SLC6A15: variants seen among roughly 807,000 people sequenced by gnomAD.
SLC6A15 encodes the protein solute carrier family 6 member 15.
A neutral mutation model predicts 68.5 loss-of-function variants in SLC6A15; 33 were observed. The ratio of observed to expected loss-of-function variants is 0.48; its 90% CI spans 0.37 to 0.64. SLC6A15 has a LOEUF of 0.64. Ranked by LOEUF, SLC6A15 falls within the 30% of genes least tolerant of loss-of-function variation. The pLI, the probability that SLC6A15 is intolerant of heterozygous loss-of-function variation, is 0.00. For synonymous variants in SLC6A15, 347 were observed against 301.0 expected (o/e 1.15, Z -1.58); for missense variants, 747 against 874.3 (o/e 0.85, Z 1.84).
intron 1 of SLC6A15, among the ~76,000 whole-genome samples, chr12:84,894,471 T>C (rs1265870199): frequency 6.6e-6 from 1 of 152,052 alleles, no homozygotes; most frequent in Non-Finnish European, 1.5e-5. Context: ...TTCCTTTTGC[T>C]TTTTCCATAC....
At chr12:84,910,381 C>T (rs1873378557) in intron 1 of SLC6A15, among the ~76,000 whole-genome samples, 1 of 151,916 alleles carries the variant, frequency 6.6e-6, no homozygotes, top group East Asian at 1.9e-4. Context: ...TGTTTTACCA[C>T]AACAAATACA....
intron 10 of SLC6A15, among the ~76,000 whole-genome samples, chr12:84,865,842 G>T (rs1003680118): frequency 1.3e-5 from 2 of 152,050 alleles, no homozygotes; most frequent in African/African-American, 4.8e-5. Context: ...CCTACTAAAG[G>T]ATATCTTGTT....
chr12:84,889,045 T>A (rs1872255094), intron 2 of SLC6A15, among the ~76,000 whole-genome samples: 1 of 152,182 alleles, frequency 6.6e-6, no homozygotes, highest in South Asian at 2.1e-4. Context: ...CTGTTTCATA[T>A]CCAGGAGGAA....
At chr12:84,895,042 A>T (rs1191699555) in intron 1 of SLC6A15, among the ~76,000 whole-genome samples, 1 of 151,986 alleles carries the variant, frequency 6.6e-6, no homozygotes, top group Admixed American at 6.6e-5. Context: ...TTATAAATAA[A>T]ATTATCTAAG....
chr12:84,861,648 G>C lies in SLC6A15; in HGVS notation c.2177C>G (p.Pro726Arg). The C allele has an allele frequency of 6.3e-7, 1 of 1,596,982 alleles. No homozygotes were observed. Residue 726 changes from proline to arginine, a missense_variant, in exon 12 of 12, where the codon CCA becomes CGA. Physicochemically the swap from Pro to Arg is moderately radical, Grantham distance 103. Coordinates refer to ENST00000266682, the MANE Select transcript of SLC6A15 (RefSeq NM_182767.6). ...YLMADIMPDMPESDL is the reference protein window; with the variant it reads ...YLMADIMPDMRESDL ...TTCCCCCAGCTACAAATCAGATTCTGGCATATCTGGCATAATATCTGCCAT... is the reference window on the plus strand; with the variant it reads ...TTCCCCCAGCTACAAATCAGATTCTCGCATATCTGGCATAATATCTGCCAT...
intron 2 of SLC6A15, among the ~76,000 whole-genome samples, chr12:84,889,682 TG>T (rs1872299898): frequency 6.6e-6 from 1 of 152,190 alleles, no homozygotes; most frequent in African/African-American, 2.4e-5. Context: ...GCACATTACC[TG>T]TAGCTATTAA....
intron 6 of SLC6A15, among the ~76,000 whole-genome samples, 185 bp downstream of exon 6, chr12:84,876,312 G>T (rs1871537325): frequency 6.6e-6 from 1 of 152,016 alleles, no homozygotes; most frequent in Admixed American, 6.6e-5. Context: ...TATAAAAAAT[G>T]GAGATAAATG....
chr12:84,906,931 A>G (rs959554512), intron 1 of SLC6A15, among the ~76,000 whole-genome samples: 16 of 152,184 alleles, frequency 1.1e-4, no homozygotes, highest in Admixed American at 9.2e-4. Context: ...ACTAGGCCCC[A>G]AAATTTGAAA....
chr12:84,864,748 G>T (rs1870999314), intron 10 of SLC6A15, among the ~76,000 whole-genome samples: 1 of 152,118 alleles, frequency 6.6e-6, no homozygotes, highest in Non-Finnish European at 1.5e-5. Flanking sequence ...TGAAGACCAA[G>T]AGACCTCATT....
In SLC6A15 at chr12:84,861,832, C is replaced by G; in HGVS notation, c.1993G>C (p.Glu665Gln). Residue 665 changes from glutamate (E) to glutamine (Q), a missense_variant, in exon 12 of 12, where the codon GAG (glutamate) becomes CAG (glutamine). Transcript: ENST00000266682. ...VTYKRGRVLKEPVNLEGDDTS... is the reference protein window; with the variant it reads ...VTYKRGRVLKQPVNLEGDDTS... ...TCATCGCCCTCTAAGTTCACAGGCT[C>G]TTTCAGGACCCTTCCTCTCTTATAG... 6.2e-7 allele frequency: 1 copy of G among 1,613,938 alleles called. No homozygotes were observed. The highest frequency in any genetic ancestry group is 1.1e-5 in the South Asian group (1 of 91,076).
At chr12:84,900,536 T>A (rs1461043840) in intron 1 of SLC6A15, among the ~76,000 whole-genome samples, 1 of 151,804 alleles carries the variant, frequency 6.6e-6, no homozygotes, top group South Asian at 2.1e-4. Flanking sequence ...TGTCTCGGTG[T>A]TATTTGTAGT....
rs565309395 is a variant in SLC6A15 at position 84,892,253 on chromosome 12, CA to C, written c.-134del. ...GATGATATCAAATAAATCCTTGATT[CA>C]AGGTGATAAAGCCTTATGGATTCTG... On this transcript the variant is annotated 5_prime_UTR_variant, in exon 2 of 12. Coordinates refer to ENST00000266682, the MANE Select transcript of SLC6A15 (RefSeq NM_182767.6). The C allele has an allele frequency of 3.5e-5, 29 of 832,264 alleles. No individual in the cohort carries two copies. In the South Asian group the frequency reaches 5.7e-4, roughly 16 times the overall value. The allele number at this position is 832,264 out of a possible 1,614,324, so 51.6% of individuals were successfully genotyped here.
At chr12:84,889,456 T>G (rs1156611778) in intron 2 of SLC6A15, among the ~76,000 whole-genome samples, 1 of 151,402 alleles carries the variant, frequency 6.6e-6, no homozygotes, top group Non-Finnish European at 1.5e-5. Flanking sequence ...ATTGCGCCAC[T>G]GAACTCCAGG....
chr12:84,881,403 A>G, intron 5 of SLC6A15: 1 of 966,514 alleles, frequency 1.0e-6, no homozygotes, highest in Non-Finnish European at 1.2e-6. Context: ...AAGCAGCCCT[A>G]TTCTTCTTTT....
At chr12:84,876,668 T>C in intron 5 of SLC6A15, 61 bp from the exon 6 acceptor site, 1 of 736,078 alleles carries the variant, frequency 1.4e-6, no homozygotes, top group Non-Finnish European at 2.2e-6. Flanking sequence ...ATAGATAAGA[T>C]TTTATATGTT....
intron 9 of SLC6A15, 80 bp from the exon 10 acceptor site, chr12:84,867,273 C>A (rs940878973): frequency 8.3e-7 from 1 of 1,206,096 alleles, no homozygotes; most frequent in African/African-American, 1.6e-5. Flanking sequence ...TTATTATATT[C>A]AAACTTTTAA....
chr12:84,881,846 T>C, intron 5 of SLC6A15: 2 of 984,938 alleles, frequency 2.0e-6, no homozygotes, highest in Non-Finnish European at 2.4e-6. Flanking sequence ...TGTTTCAGAT[T>C]GAGGAATTGT....
rs372315963 is a variant in SLC6A15, at chr12:84,879,526, G to A, written c.757-2919C>T. 4.6e-5 allele frequency among the ~76,000 whole-genome samples: 7 copies of A among 151,490 alleles called. No individual in the cohort carries two copies. In the East Asian group the frequency reaches 5.8e-4, roughly 13 times the overall value. ...ATTTTAGTAGAGACGGAGTTTCACC[G>A]TTTTGCCCAGGCTGGTCTCAAACTT... On this transcript the variant is annotated intron_variant, in intron 5 of 11. Coordinates refer to ENST00000266682, the MANE Select transcript of SLC6A15 (RefSeq NM_182767.6).
chr12:84,885,712 C>G, intron 3 of SLC6A15, 151 bp from the exon 4 acceptor site: 1 of 1,050,520 alleles, frequency 9.5e-7, no homozygotes, highest in Non-Finnish European at 1.4e-6. Context: ...AAGTTAATGT[C>G]TTTCTCAGGA....
Sources: allele counts gnomAD v4.1 joint callset (sites outside exome capture counted in the v4.1 genomes callset), GRCh38; gene constraint gnomAD v4.1.1; transcripts MANE v1.5; gene names NCBI Gene and HGNC (gene_info 2026-07-23, HGNC 2026-07-21).